The following APBB2 variants were observed in gnomAD, a reference collection of about 807,000 sequenced individuals.
The protein encoded by APBB2 is Fe65-like 1.
Under a neutral mutation model 82.5 loss-of-function variants are expected in APBB2, and 38 were observed. The ratio of observed to expected loss-of-function variants is 0.46; its 90% CI spans 0.36 to 0.60. The LOEUF is 0.60. Ranked by LOEUF, APBB2 falls within the 20% of genes least tolerant of loss-of-function variation. The pLI is 0.00. For synonymous variants in APBB2, 341 were observed against 368.2 expected (o/e 0.93, Z 0.85); for missense variants, 772 against 972.3 (o/e 0.79, Z 2.74).
At chr4:40,995,597 G>A (rs1418118842) in intron 6 of APBB2, among the ~76,000 whole-genome samples, 1 of 144,704 alleles carries the variant, frequency 6.9e-6, no homozygotes, top group Non-Finnish European at 1.5e-5. Context: ...AGGCTGCAGT[G>A]CAGTGGCACA....
At chr4:41,092,914 T>C (rs902359776) in intron 3 of APBB2, among the ~76,000 whole-genome samples, 1 of 152,104 alleles carries the variant, frequency 6.6e-6, no homozygotes, top group Non-Finnish European at 1.5e-5. Flanking sequence ...CACCCTCTCC[T>C]TCAGGCCAAG....
intron 2 of APBB2, among the ~76,000 whole-genome samples, chr4:41,131,830 A>G (rs1756083638): frequency 6.6e-6 from 1 of 152,122 alleles, no homozygotes; most frequent in Non-Finnish European, 1.5e-5. Context: ...ACCTGAGGCC[A>G]GGAGTTCAAG....
chr4:40,984,798 T>C (rs2154406472), intron 6 of APBB2, among the ~76,000 whole-genome samples: 1 of 152,252 alleles, frequency 6.6e-6, no homozygotes, highest in Admixed American at 6.5e-5. Flanking sequence ...CCAGTTCTCA[T>C]GTTGTGGGGA....
At chr4:40,860,890 A>T (rs1762594032) in intron 12 of APBB2, among the ~76,000 whole-genome samples, 2 of 152,206 alleles carry the variant, frequency 1.3e-5, no homozygotes, top group Admixed American at 6.5e-5. Context: ...GGTCCAGATC[A>T]AACAAATGCC....
At chr4:41,101,990 A>T (rs994677334) in intron 2 of APBB2, among the ~76,000 whole-genome samples, 3 of 151,976 alleles carry the variant, frequency 2.0e-5, no homozygotes, top group Non-Finnish European at 4.4e-5. Flanking sequence ...AAAGAAAAAC[A>T]TGTTACTTCC....
intron 1 of APBB2, among the ~76,000 whole-genome samples, chr4:41,199,123 G>C (rs532296390): frequency 6.6e-6 from 1 of 152,244 alleles, no homozygotes; most frequent in South Asian, 2.1e-4. Context: ...TACATTTGCA[G>C]ATATGAAGTA....
intron 3 of APBB2, among the ~76,000 whole-genome samples, chr4:41,074,465 G>C (rs1579795391): frequency 6.6e-6 from 1 of 152,150 alleles, no homozygotes; most frequent in Non-Finnish European, 1.5e-5. Context: ...TTATCATAGT[G>C]ACAACAGGAA....
At position 41,031,178 on chromosome 4, in the gene APBB2, T is replaced by C. The variant is rs535774756; in HGVS notation, c.19+2058A>G. Among the ~76,000 whole-genome samples the C allele has an allele frequency of 2.0e-4, 30 of 152,308 alleles. No homozygotes were observed. In the East Asian group the frequency reaches 5.4e-3, roughly 27 times the overall value. On this transcript the variant is annotated intron_variant, in intron 5 of 17. Transcript: ENST00000508593. ...AGGCAAAGGTTGCAGTGAACCAAGA[T>C]TGTGCCACTGCACTCCAGCCTGGGT...
chr4:40,927,512 C>T (rs1158809327), intron 10 of APBB2, among the ~76,000 whole-genome samples: 2 of 152,154 alleles, frequency 1.3e-5, no homozygotes, highest in African/African-American at 2.4e-5. Context: ...GACAGGGTCT[C>T]ACTCTGTCAC....
intron 12 of APBB2, among the ~76,000 whole-genome samples, chr4:40,859,606 A>C (rs1762273423): frequency 6.6e-6 from 1 of 152,168 alleles, no homozygotes. Flanking sequence ...AAAATCACAA[A>C]TGCGAGTCCC....
chr4:41,161,156 A>G (rs1765036678), intron 1 of APBB2, among the ~76,000 whole-genome samples: 1 of 127,436 alleles, frequency 7.8e-6, no homozygotes, highest in Admixed American at 9.3e-5. Flanking sequence ...TGCAGCTATG[A>G]TCCTCTTCCC....
At chr4:41,004,519 C>T (rs1806132314) in intron 6 of APBB2, among the ~76,000 whole-genome samples, 1 of 152,098 alleles carries the variant, frequency 6.6e-6, no homozygotes, top group Non-Finnish European at 1.5e-5. Flanking sequence ...AGGCACCTAG[C>T]TCAGCACACA....
intron 12 of APBB2, among the ~76,000 whole-genome samples, chr4:40,849,927 T>C (rs1346219760): frequency 6.6e-6 from 1 of 152,130 alleles, no homozygotes; most frequent in Non-Finnish European, 1.5e-5. Context: ...TTTCACCATG[T>C]TGCTCAGTCT....
intron 2 of APBB2, among the ~76,000 whole-genome samples, chr4:41,133,145 CGTAA>C (rs1237253587): frequency 4.0e-5 from 6 of 151,862 alleles, no homozygotes; most frequent in Non-Finnish European, 5.9e-5. Flanking sequence ...TATATGTACA[CGTAA>C]GTGTGTATAT....
chr4:41,106,937 C>T (rs1181284361), intron 2 of APBB2, among the ~76,000 whole-genome samples: 1 of 151,972 alleles, frequency 6.6e-6, no homozygotes, highest in Admixed American at 6.6e-5. Flanking sequence ...AATGCTAATG[C>T]AGACATGACA....
At chr4:41,187,394 T>A (rs986335772) in intron 1 of APBB2, among the ~76,000 whole-genome samples, 3 of 152,192 alleles carry the variant, frequency 2.0e-5, no homozygotes, top group Admixed American at 6.5e-5. Flanking sequence ...AATACACAGT[T>A]GTACCAATAG....
rs200408231 is a variant in APBB2 at position 41,060,768 on chromosome 4, T to C, written c.-51+4808A>G. Among the ~76,000 whole-genome samples, 3 of 151,832 alleles carry C rather than the reference T, an allele frequency of 2.0e-5. No homozygotes were observed. In the East Asian group the frequency reaches 5.8e-4, roughly 29 times the overall value. ...GCACCCCATGGCAAAAGCAGGATTT[T>C]AGCGGGTTACCAAAAGATGGATCCA... is the stretch of plus-strand genomic sequence containing the variant. On this transcript the variant is annotated intron_variant, in intron 4 of 17. Transcript: ENST00000508593.
rs925939250 is a variant in APBB2, at chr4:40,811,191, T to G, written c.*4901A>C. On this transcript the variant is annotated 3_prime_UTR_variant, in exon 18 of 18. Coordinates refer to ENST00000508593, the MANE Select transcript of APBB2 (RefSeq NM_004307.2). ...AAACCATTCATTAATTACACTGCAG[T>G]TTTCTTCTTTGAGAATCTTCTATGA... 1 of 152,216 alleles carries G rather than the reference T, an allele frequency of 6.6e-6. No homozygotes were observed. Among genetic ancestry groups the G allele is most frequent in the African/African-American group, 2.4e-5 (1 of 41,454 alleles). 9.4% of individuals were successfully genotyped at this position (152,216 alleles called of 1,614,324 possible).
At chr4:40,886,082 A>T (rs535980587) in intron 12 of APBB2, among the ~76,000 whole-genome samples, 4 of 152,234 alleles carry the variant, frequency 2.6e-5, no homozygotes, top group Non-Finnish European at 5.9e-5. Context: ...TATAGGGCTC[A>T]TTGGCGAAGT....
Sources: gnomAD v4.1 joint callset for allele counts (sites outside exome capture counted in the v4.1 genomes callset) on GRCh38, gnomAD v4.1.1 for gene constraint, MANE v1.5 for transcripts, NCBI Gene and HGNC (gene_info 2026-07-23, HGNC 2026-07-21) for gene names.